The following ATG4A variants were observed in gnomAD, a reference collection of about 807,000 sequenced individuals.
The protein encoded by ATG4A is autophagy related 4A cysteine peptidase.
ATG4A carries 22 observed loss-of-function variants against 38.4 expected under a neutral mutation model. That is an observed-to-expected ratio of 0.57 (90% confidence interval 0.41 to 0.82). The LOEUF (loss-of-function observed/expected upper bound fraction) is 0.82, where lower values mean the gene tolerates loss of function less well. ATG4A is among the 40% of genes least tolerant of loss of function. The pLI is 0.00. For synonymous variants in ATG4A, 86 were observed against 100.7 expected (o/e 0.85, Z 0.88); for missense variants, 220 against 290.0 (o/e 0.76, Z 1.75).
intron 1 of ATG4A, among the ~76,000 whole-genome samples, chrX:108,100,242 G>A (rs1231821565): frequency 9.0e-6 from 1 of 111,178 alleles, no homozygotes; most frequent in Non-Finnish European, 1.9e-5. Flanking sequence ...TTGAATTTTG[G>A]TTTCCATGTA....
In ATG4A at chrX:108,100,983, T is replaced by C. The variant is rs180933560; in HGVS notation, c.10+9147T>C. Among the ~76,000 whole-genome samples the C allele has an allele frequency of 1.6e-3, 177 of 111,522 alleles. 1 individual carries two copies. The highest frequency in any genetic ancestry group is 5.6e-3 in the African/African-American group (173 of 30,853). ...TGTAATATGAGTGTTAATTCTTCTT[T>C]AAGTATTTGGTAGAATGCTGCAGTG... On this transcript the variant is annotated intron_variant, in intron 1 of 12. Coordinates refer to ENST00000372232, the MANE Select transcript of ATG4A (RefSeq NM_052936.5).
intron 4 of ATG4A, among the ~76,000 whole-genome samples, chrX:108,132,176 G>A (rs1248376525): frequency 1.8e-5 from 2 of 111,974 alleles, no homozygotes; most frequent in Non-Finnish European, 3.8e-5. Flanking sequence ...TAGGATTACA[G>A]GCATGAGCTA....
intron 9 of ATG4A, among the ~76,000 whole-genome samples, chrX:108,149,634 A>C (rs1277248234): frequency 8.9e-6 from 1 of 112,354 alleles, no homozygotes; most frequent in Non-Finnish European, 1.9e-5. Flanking sequence ...TTTCTCATCC[A>C]TAAAGAGTCA....
chrX:108,123,451 T>C (rs1398958105), intron 1 of ATG4A, among the ~76,000 whole-genome samples: 1 of 112,502 alleles, frequency 8.9e-6, no homozygotes, highest in Non-Finnish European at 1.9e-5. Flanking sequence ...CCCAGATTGC[T>C]TTTTCATATG....
chrX:108,119,819 G>A (rs950270090), intron 1 of ATG4A, among the ~76,000 whole-genome samples: 19 of 111,532 alleles, frequency 1.7e-4, no homozygotes, highest in African/African-American at 4.9e-4. Flanking sequence ...AAAATAAGTC[G>A]ACACACTATT....
At chrX:108,153,492 A>G (rs887581314) in intron 12 of ATG4A, 150 bp from the exon 13 acceptor site, 1 of 472,344 alleles carries the variant, frequency 2.1e-6, no homozygotes, top group Admixed American at 3.6e-5. Context: ...AATACTTGGC[A>G]GTAGTTCTAA....
chrX:108,137,766 C>G (rs2148011984), intron 7 of ATG4A, 38 bp from the exon 8 acceptor site: 27 of 1,113,199 alleles, frequency 2.4e-5, no homozygotes, highest in Non-Finnish European at 3.1e-5. Context: ...GGGCTGAAGA[C>G]TCCTTACTTA....
At chrX:108,107,053 T>C (rs888560545) in intron 1 of ATG4A, among the ~76,000 whole-genome samples, 8 of 111,729 alleles carry the variant, frequency 7.2e-5, no homozygotes, top group Admixed American at 5.7e-4. Context: ...TTAACAAAAT[T>C]AATTGATTGT....
intron 1 of ATG4A, among the ~76,000 whole-genome samples, chrX:108,097,328 A>G (rs1194649672): frequency 8.9e-6 from 1 of 112,283 alleles, no homozygotes; most frequent in Non-Finnish European, 1.9e-5. Flanking sequence ...ATTGCAATAC[A>G]AAATGCTGTC....
At chrX:108,143,533 T>A (rs1320255886) in intron 9 of ATG4A, among the ~76,000 whole-genome samples, 1 of 111,640 alleles carries the variant, frequency 9.0e-6, no homozygotes, top group East Asian at 2.8e-4. Context: ...AGTAGACTGA[T>A]TTCATCTTGA....
At chrX:108,125,281 C>T (rs1482276345) in intron 1 of ATG4A, among the ~76,000 whole-genome samples, 4 of 109,780 alleles carry the variant, frequency 3.6e-5, no homozygotes, top group Admixed American at 2.9e-4. Flanking sequence ...TTCATTAGAA[C>T]GGAAGATGCT....
At chrX:108,099,729 A>G (rs1247968579) in intron 1 of ATG4A, among the ~76,000 whole-genome samples, 2 of 111,965 alleles carry the variant, frequency 1.8e-5, no homozygotes, top group African/African-American at 6.5e-5. Context: ...ATATCTAGTT[A>G]CTTCAGCTCC....
intron 1 of ATG4A, among the ~76,000 whole-genome samples, chrX:108,102,509 G>A (rs2032044470): frequency 9.0e-6 from 1 of 111,698 alleles, no homozygotes; most frequent in Non-Finnish European, 1.9e-5. Context: ...CTTTCATTCT[G>A]TTGTTTCCTT....
At chrX:108,147,909 C>T (rs760898453) in intron 9 of ATG4A, among the ~76,000 whole-genome samples, 30 of 107,690 alleles carry the variant, frequency 2.8e-4, no homozygotes, top group African/African-American at 9.8e-4. Flanking sequence ...ACTCCAGAAA[C>T]CCCAAAACCA....
intron 1 of ATG4A, among the ~76,000 whole-genome samples, chrX:108,109,195 G>A (rs906040140): frequency 2.4e-4 from 27 of 111,958 alleles, no homozygotes; most frequent in African/African-American, 8.4e-4. Flanking sequence ...TCATCCTAAT[G>A]GGTGTGAGGT....
At chrX:108,111,029 G>A (rs774051759) in intron 1 of ATG4A, among the ~76,000 whole-genome samples, 10 of 110,589 alleles carry the variant, frequency 9.0e-5, no homozygotes, top group Admixed American at 8.6e-4. Context: ...TCAGCCTCCC[G>A]AGTAGCTTGG....
rs1415153213 is a variant in ATG4A at position 108,150,245 on chromosome X, T to A, written c.908T>A (p.Leu303Gln). The A allele has an allele frequency of 1.6e-6, 2 of 1,212,240 alleles. No homozygotes were observed. Among genetic ancestry groups the A allele is most frequent in the Admixed American group, 4.3e-5 (2 of 46,120 alleles). The change falls in exon 10 of 13, where the codon CTG becomes CAG. Residue 303 changes from leucine to glutamine, a missense_variant. This residue lies in a region of ATG4A where 159 missense variants were observed against 188.9 expected (regional missense o/e 0.84). Coordinates refer to ENST00000372232, the MANE Select transcript of ATG4A (RefSeq NM_052936.5). ...GTTAATGACCAGACTTTCCATTGCC[T>A]GCAGTCCCCACAGCGAATGAACATC... ...GTVNDQTFHC[L>Q]QSPQRMNILN...
At chrX:108,133,042 T>G (rs2033004892) in intron 4 of ATG4A, among the ~76,000 whole-genome samples, 1 of 112,217 alleles carries the variant, frequency 8.9e-6, no homozygotes, top group South Asian at 3.7e-4. Context: ...TTCCCCAGAC[T>G]TGGACAATTT....
At chrX:108,117,008 A>G (rs749257599) in intron 1 of ATG4A, among the ~76,000 whole-genome samples, 2 of 111,897 alleles carry the variant, frequency 1.8e-5, no homozygotes, top group African/African-American at 6.5e-5. Context: ...TACTGCATCA[A>G]AATTAACTCT....
Sources: gnomAD v4.1 joint callset for allele counts (sites outside exome capture counted in the v4.1 genomes callset) on GRCh38, gnomAD v4.1.1 for gene constraint, gnomAD v4.1.1 regional missense constraint, MANE v1.5 for transcripts, NCBI Gene and HGNC (gene_info 2026-07-23, HGNC 2026-07-21) for gene names.